ADAM18: variants seen among roughly 807,000 people sequenced by gnomAD.
The protein encoded by ADAM18 is disintegrin and metalloproteinase domain-containing protein 18.
A neutral mutation model predicts 94.4 loss-of-function variants in ADAM18; 117 were observed. That is an observed-to-expected ratio of 1.24 (90% confidence interval 1.07 to 1.45). ADAM18 has a LOEUF of 1.45. ADAM18 is among the 40% of genes most tolerant of loss of function. The pLI, the probability that ADAM18 is intolerant of heterozygous loss-of-function variation, is 0.00. For missense variants in ADAM18, 936 were observed against 880.0 expected, an observed-to-expected ratio of 1.06 and a Z score of -0.81; for synonymous variants, 327 against 291.6, an observed-to-expected ratio of 1.12 and a Z score of -1.24.
chr8:39,639,933 G>A (rs1312665140), intron 10 of ADAM18, among the ~76,000 whole-genome samples: 1 of 151,760 alleles, frequency 6.6e-6, no homozygotes, highest in African/African-American at 2.4e-5. Context: ...TGCTCATTTT[G>A]GTAGAAATGA....
At chr8:39,689,319 AG>A (rs1346549950) in intron 16 of ADAM18, among the ~76,000 whole-genome samples, 1 of 151,874 alleles carries the variant, frequency 6.6e-6, no homozygotes, top group Non-Finnish European at 1.5e-5. Flanking sequence ...GGGTTTTTAT[AG>A]TTTTGGGTTT....
At position 39,709,577 on chromosome 8, in the gene ADAM18, C is replaced by T. The variant is rs528664866; in HGVS notation, c.2017+2673C>T. On this transcript the variant is annotated intron_variant, in intron 18 of 19. Coordinates refer to ENST00000265707, the MANE Select transcript of ADAM18 (RefSeq NM_014237.3). ...CTCTGCCTCCCATCTCTGTCAATATCATAGGCTACTTATTGATTCAATTAT... is the reference window on the plus strand; with the variant it reads ...CTCTGCCTCCCATCTCTGTCAATATTATAGGCTACTTATTGATTCAATTAT... 3.3e-5 allele frequency among the ~76,000 whole-genome samples: 5 copies of T among 152,264 alleles called. No homozygotes were observed. In the South Asian group the frequency reaches 1.0e-3, roughly 32 times the overall value.
intron 18 of ADAM18, among the ~76,000 whole-genome samples, chr8:39,709,887 A>G (rs1344001276): frequency 1.3e-5 from 2 of 152,258 alleles, no homozygotes; most frequent in East Asian, 3.8e-4. Context: ...ACAGTTATAA[A>G]AAGTTTGCAT....
intron 10 of ADAM18, among the ~76,000 whole-genome samples, chr8:39,644,676 G>T (rs1820329389): frequency 6.6e-6 from 1 of 152,026 alleles, no homozygotes; most frequent in Non-Finnish European, 1.5e-5. Flanking sequence ...TTTTCGGTAG[G>T]TCCACATTCC....
intron 7 of ADAM18, among the ~76,000 whole-genome samples, chr8:39,631,964 C>T (rs1051184406): frequency 9.9e-5 from 15 of 151,658 alleles, no homozygotes; most frequent in African/African-American, 3.1e-4. Context: ...GTATTTTTGC[C>T]CTGGTTTCTG....
chr8:39,649,459 T>C (rs1049579748), intron 12 of ADAM18, among the ~76,000 whole-genome samples: 2 of 152,188 alleles, frequency 1.3e-5, no homozygotes, highest in Non-Finnish European at 2.9e-5. Context: ...ACTGTGCTCA[T>C]CTTGCAGTCT....
In ADAM18 at chr8:39,692,672, G is replaced by C. The variant is rs562100648; in HGVS notation, c.1894G>C (p.Gly632Arg). The change falls in exon 17 of 20, where the codon GGG (glycine) becomes CGG (arginine). Residue 632 changes from glycine to arginine, a missense_variant. Transcript: ENST00000265707. Reference sequence around the variant, plus strand: ...CTGTAATGCCACCACAAAATGCAAAGGGAAAGGGGTAAGTCACTTTTGTAT... The same window carrying C: ...CTGTAATGCCACCACAAAATGCAAACGGAAAGGGGTAAGTCACTTTTGTAT... Reference protein sequence around the residue: ...YNCNATTKCKGKGICNNFGNC... With the variant: ...YNCNATTKCKRKGICNNFGNC... 6.3e-7 allele frequency: 1 copy of C among 1,599,530 alleles called. No individual in the cohort carries two copies. The highest frequency in any genetic ancestry group is 1.1e-5 in the South Asian group (1 of 89,026).
chr8:39,618,254 G>A (rs979771508), intron 6 of ADAM18, among the ~76,000 whole-genome samples: 1 of 152,106 alleles, frequency 6.6e-6, no homozygotes, highest in African/African-American at 2.4e-5. Context: ...CTGGGTCCAG[G>A]GGGGTCACCG....
At chr8:39,651,340 C>A (rs532417049) in intron 12 of ADAM18, among the ~76,000 whole-genome samples, 1 of 151,838 alleles carries the variant, frequency 6.6e-6, no homozygotes, top group Admixed American at 6.6e-5. Context: ...AGCACAGACC[C>A]TTTACGGGTG....
chr8:39,627,856 A>G lies in ADAM18; in HGVS notation c.523-1518A>G, dbSNP rs565122880. Among the ~76,000 whole-genome samples, 210 of 152,060 alleles carry G rather than the reference A, an allele frequency of 1.4e-3. 1 individual carries two copies. Among genetic ancestry groups the G allele is most frequent in the Non-Finnish European group, 2.4e-3 (162 of 67,954 alleles). ...AGGTCCTATTCTGGTGTATATTGAC[A>G]TTTTGTTTTAAGATGTACAACTCCT... On this transcript the variant is annotated intron_variant, in intron 6 of 19. Coordinates refer to ENST00000265707, the MANE Select transcript of ADAM18 (RefSeq NM_014237.3).
At chr8:39,721,517 A>C (rs571236219) in intron 18 of ADAM18, among the ~76,000 whole-genome samples, 4 of 151,696 alleles carry the variant, frequency 2.6e-5, no homozygotes, top group African/African-American at 9.6e-5. Context: ...CTATATATCA[A>C]CAAAGTACTG....
chr8:39,677,067 CTA>C (rs1326497825), intron 14 of ADAM18, among the ~76,000 whole-genome samples: 1 of 152,130 alleles, frequency 6.6e-6, no homozygotes, highest in Non-Finnish European at 1.5e-5. Context: ...CTCTGGAAAA[CTA>C]TATAAGTTCC....
chr8:39,594,793 G>GTTTTTTTTTTTTTTT (rs71237182), intron 2 of ADAM18, among the ~76,000 whole-genome samples: 2 of 46,846 alleles, frequency 4.3e-5, no homozygotes, highest in African/African-American at 8.2e-5. Flanking sequence ...TTTGCTGTGA[G>GTTTTTTTTTTTTTTT]TTTTTTTTTT....
chr8:39,611,389 G>A (rs1819267369), intron 6 of ADAM18: 4 of 961,752 alleles, frequency 4.2e-6, no homozygotes, highest in Non-Finnish European at 4.9e-6. Context: ...GTAAATGGAT[G>A]TGTTTTGAAA....
Position 39,692,515 on chromosome 8 carries a change from T to C in ADAM18, c.1822-85T>C. The C allele has an allele frequency of 4.4e-6, 3 of 683,218 alleles. No individual in the cohort carries two copies. In the Admixed American group the frequency reaches 9.6e-5, roughly 22 times the overall value. The allele number at this position is 683,218 out of a possible 1,614,324, so 42.3% of individuals were successfully genotyped here. On this transcript the variant is annotated intron_variant, in intron 16 of 19. Transcript: ENST00000265707. ...AAAAGTCTTTCAACTTAAGCATCTC[T>C]TATACATATATAGAAATCATTAATG...
At chr8:39,675,846 C>A (rs539337386) in intron 14 of ADAM18, among the ~76,000 whole-genome samples, 1 of 152,274 alleles carries the variant, frequency 6.6e-6, no homozygotes, top group Admixed American at 6.5e-5. Flanking sequence ...GATGCTATTT[C>A]TTTCTGTTTG....
intron 12 of ADAM18, 90 bp downstream of exon 12, chr8:39,648,617 TGCA>T: frequency 3.6e-6 from 4 of 1,120,418 alleles, no homozygotes; most frequent in Non-Finnish European, 4.9e-6. Context: ...AAATGATATA[TGCA>T]ACAATGCCAT....
chr8:39,635,940 A>AT (rs1325359017), intron 7 of ADAM18, among the ~76,000 whole-genome samples: 1 of 150,854 alleles, frequency 6.6e-6, no homozygotes, highest in Non-Finnish European at 1.5e-5. Flanking sequence ...ATTCTGAATG[A>AT]TTTTTGTACA....
At chr8:39,675,653 G>T (rs1821281195) in intron 14 of ADAM18, among the ~76,000 whole-genome samples, 1 of 152,194 alleles carries the variant, frequency 6.6e-6, no homozygotes, top group Admixed American at 6.5e-5. Context: ...TCTCCGTCCA[G>T]CTTTGTTCCG....
Sources: gnomAD v4.1 joint callset for allele counts (sites outside exome capture counted in the v4.1 genomes callset) on GRCh38, gnomAD v4.1.1 for gene constraint, MANE v1.5 for transcripts, NCBI Gene and HGNC (gene_info 2026-07-23, HGNC 2026-07-21) for gene names.